Variants in LYZL4 observed in about 807,000 individuals in gnomAD.
The protein encoded by LYZL4 is lysozyme-like protein 4.
Under a neutral mutation model 17.6 loss-of-function variants are expected in LYZL4, and 13 were observed. The ratio of observed to expected loss-of-function variants is 0.74; its 90% CI spans 0.48 to 1.18. LYZL4 has a LOEUF of 1.18. Among genes scored for constraint, LYZL4 ranks in the 50% most tolerant of loss-of-function variants. The pLI, the probability that LYZL4 is intolerant of heterozygous loss-of-function variation, is 0.00. For synonymous variants in LYZL4, 64 were observed against 67.7 expected, an observed-to-expected ratio of 0.95 and a Z score of 0.27; for missense variants, 174 against 188.2, an observed-to-expected ratio of 0.92 and a Z score of 0.44.
the LYZL4 span, among the ~76,000 whole-genome samples, chr3:42,371,668 T>G: frequency 6.6e-6 from 1 of 152,184 alleles, no homozygotes; most frequent in African/African-American, 2.4e-5. Context: ...ACTCAGTTCT[T>G]AATGTTACAG....
chr3:42,407,340 G>T lies in LYZL4; in HGVS notation c.-89C>A. ...CACTGGTTCTCTGAAGGGAAAGAAGGGCACTGTGGGGGTGGGGGTGGAGCA... is the reference window on the plus strand; with the variant it reads ...CACTGGTTCTCTGAAGGGAAAGAAGTGCACTGTGGGGGTGGGGGTGGAGCA... On this transcript the variant is annotated 5_prime_UTR_variant, in exon 2 of 5. Transcript: ENST00000287748. 6 of 1,573,458 alleles carry T rather than the reference G, an allele frequency of 3.8e-6. No individual in the cohort carries two copies. The highest frequency in any genetic ancestry group is 1.4e-5 in the African/African-American group (1 of 73,982).
chr3:42,364,722 C>T, the LYZL4 span, among the ~76,000 whole-genome samples: 21 of 152,098 alleles, frequency 1.4e-4, no homozygotes, highest in Non-Finnish European at 2.4e-4. Flanking sequence ...GGACCTCCCA[C>T]CTTGACCTCC....
the LYZL4 span, among the ~76,000 whole-genome samples, chr3:42,368,122 C>T: frequency 2.0e-5 from 3 of 150,790 alleles, no homozygotes; most frequent in Non-Finnish European, 4.4e-5. Context: ...GAGTTCCAGA[C>T]ACTCTTTCTT....
chr3:42,396,643 G>A (rs886316477), downstream of LYZL4, among the ~76,000 whole-genome samples: 5 of 152,218 alleles, frequency 3.3e-5, no homozygotes, highest in Admixed American at 6.5e-5. Context: ...AATTGTCTTT[G>A]AGTACTGAGA....
downstream of LYZL4, among the ~76,000 whole-genome samples, chr3:42,396,070 A>G (rs1698546960): frequency 6.6e-6 from 1 of 152,184 alleles, no homozygotes; most frequent in African/African-American, 2.4e-5. Flanking sequence ...CTCAAAAAAA[A>G]GAAAAGAAAA....
rs1015235342 is a variant in LYZL4 at position 42,407,773 on chromosome 3, T to C, written c.-92-430A>G. 6.6e-5 allele frequency among the ~76,000 whole-genome samples: 10 copies of C among 151,970 alleles called. No homozygotes were observed. In the East Asian group the frequency reaches 1.9e-3, roughly 29 times the overall value. ...CTACCGACCTGTTGAATTATGTCCATTACTGCCTCTTATGCGTCTTATTCC... is the reference window on the plus strand; with the variant it reads ...CTACCGACCTGTTGAATTATGTCCACTACTGCCTCTTATGCGTCTTATTCC... On this transcript the variant is annotated intron_variant, in intron 1 of 4. Coordinates refer to ENST00000287748, the MANE Select transcript of LYZL4 (RefSeq NM_144634.4).
At chr3:42,372,748 T>C in the LYZL4 span, among the ~76,000 whole-genome samples, 4 of 152,346 alleles carry the variant, frequency 2.6e-5, no homozygotes, top group South Asian at 2.1e-4. Context: ...TTAAGAAGCC[T>C]GAGAAAGCCT....
chr3:42,386,639 G>A, the LYZL4 span, among the ~76,000 whole-genome samples: 11 of 152,236 alleles, frequency 7.2e-5, no homozygotes, highest in African/African-American at 2.4e-4. Context: ...GTAACAAAAA[G>A]TTAGATGATT....
downstream of LYZL4, among the ~76,000 whole-genome samples, chr3:42,392,886 C>A (rs1214736866): frequency 1.3e-5 from 2 of 152,096 alleles, no homozygotes; most frequent in African/African-American, 4.8e-5. Flanking sequence ...AATGGCAAGG[C>A]TGATAGGCTG....
At chr3:42,393,931 A>G (rs1321368070), downstream of LYZL4, among the ~76,000 whole-genome samples, 1 of 152,160 alleles carries the variant, frequency 6.6e-6, no homozygotes, top group East Asian at 1.9e-4. Context: ...AGCTGGGACT[A>G]TAGGCATCCA....
At chr3:42,373,981 C>T in the LYZL4 span, among the ~76,000 whole-genome samples, 48 of 152,072 alleles carry the variant, frequency 3.2e-4, no homozygotes, top group Non-Finnish European at 5.4e-4. Context: ...GACCAAAATG[C>T]CTCATCATCC....
At chr3:42,379,988 C>T in the LYZL4 span, among the ~76,000 whole-genome samples, 1 of 152,182 alleles carries the variant, frequency 6.6e-6, no homozygotes. Flanking sequence ...ATTTTGAAGG[C>T]CAAGTCTCAC....
chr3:42,407,050 G>T (rs1412081205), intron 2 of LYZL4, 52 bp from the exon 3 acceptor site: 2 of 1,613,768 alleles, frequency 1.2e-6, no homozygotes, highest in African/African-American at 1.3e-5. Context: ...AGTTGGGGAT[G>T]CTTGGCCAGA....
the LYZL4 span, among the ~76,000 whole-genome samples, chr3:42,366,712 C>T: frequency 6.6e-6 from 1 of 152,242 alleles, no homozygotes; most frequent in Non-Finnish European, 1.5e-5. Flanking sequence ...AGCCCTCACA[C>T]TCAAATGCTG....
the LYZL4 span, among the ~76,000 whole-genome samples, chr3:42,373,944 T>G: frequency 1.3e-5 from 2 of 152,148 alleles, no homozygotes; most frequent in Admixed American, 1.3e-4. Context: ...GACTTCTAAA[T>G]GTAAGGATAA....
At chr3:42,377,256 T>C in the LYZL4 span, among the ~76,000 whole-genome samples, 3 of 152,288 alleles carry the variant, frequency 2.0e-5, no homozygotes, top group East Asian at 5.8e-4. Flanking sequence ...TCAACTTGAC[T>C]ATACAATCTC....
At chr3:42,391,941 C>T in the LYZL4 span, among the ~76,000 whole-genome samples, 1 of 151,514 alleles carries the variant, frequency 6.6e-6, no homozygotes, top group Non-Finnish European at 1.5e-5. Flanking sequence ...GTGGTGCGAT[C>T]TCACTACAAC....
the LYZL4 span, among the ~76,000 whole-genome samples, chr3:42,371,817 A>G: frequency 1.3e-5 from 2 of 152,218 alleles, no homozygotes; most frequent in Non-Finnish European, 2.9e-5. Context: ...CAGACTTCCA[A>G]ATTGTCAGTT....
chr3:42,381,951 G>C, the LYZL4 span, among the ~76,000 whole-genome samples: 2 of 152,308 alleles, frequency 1.3e-5, no homozygotes, highest in South Asian at 4.1e-4. Context: ...GTAGCTTTCT[G>C]TGAGGGGGAA....
Sources: gnomAD v4.1 joint callset for allele counts (sites outside exome capture counted in the v4.1 genomes callset) on GRCh38, gnomAD v4.1.1 for gene constraint, MANE v1.5 for transcripts, NCBI Gene and HGNC (gene_info 2026-07-23, HGNC 2026-07-21) for gene names.